CHD7: variants seen among roughly 807,000 people sequenced by gnomAD.
The protein encoded by CHD7 is chromodomain helicase DNA binding protein 7.
CHD7 carries 24 observed loss-of-function variants against 307.3 expected under a neutral mutation model. The observed-to-expected ratio is 0.08, with a 90% CI of 0.06 to 0.11. CHD7 has a LOEUF of 0.11. Ranked by LOEUF, CHD7 falls within the 10% of genes least tolerant of loss-of-function variation. The pLI is 1.00. For missense variants in CHD7, 3,106 were observed against 3,727.1 expected (o/e 0.83, Z 4.34); for synonymous variants, 1,363 against 1,349.9 (o/e 1.01, Z -0.21).
rs567329316 is a variant in CHD7, at chr8:60,703,488, A to C, written c.-175+24406A>C. Among the ~76,000 whole-genome samples the C allele has an allele frequency of 9.2e-5, 14 of 152,232 alleles. No individual in the cohort carries two copies. In the East Asian group the frequency reaches 2.5e-3, roughly 27 times the overall value. On this transcript the variant is annotated intron_variant, in intron 1 of 37. Coordinates refer to ENST00000423902, the MANE Select transcript of CHD7 (RefSeq NM_017780.4). ...GAAGAAAACAAAACAAAAACAGAAG[A>C]CTACTTGTGCTTTCATTTTCCACTC...
chr8:60,745,085 T>G (rs1343013855), intron 2 of CHD7, among the ~76,000 whole-genome samples: 1 of 151,372 alleles, frequency 6.6e-6, no homozygotes, highest in Non-Finnish European at 1.5e-5. Context: ...TTATATAACC[T>G]CAGGGCAGAA....
chr8:60,786,288 T>G (rs76540018), intron 3 of CHD7, among the ~76,000 whole-genome samples: 2 of 152,026 alleles, frequency 1.3e-5, no homozygotes, highest in African/African-American at 4.8e-5. Context: ...GGTGAGAGAG[T>G]CATCAGCTGC....
At chr8:60,799,315 C>T (rs968139778) in intron 4 of CHD7, among the ~76,000 whole-genome samples, 5 of 152,198 alleles carry the variant, frequency 3.3e-5, no homozygotes, top group Admixed American at 6.5e-5. Flanking sequence ...ATAGATAGGA[C>T]CACATTGTCC....
Position 60,742,309 on chromosome 8 carries a change from A to G in CHD7, c.877A>G (p.Ser293Gly), listed in dbSNP as rs1809079318. The stretch of plus-strand genomic sequence containing the variant: ...TGTTAGGCCGCAAACCCTTAACTTT[A>G]GTTCTCGGAGCCAGACAGTCCCCTC... ...GAVRPQTLNF[S>G]SRSQTVPSPT... is the part of the protein sequence containing the mutation. Residue 293 changes from serine (S) to glycine (G), a missense_variant, in exon 2 of 38, where the codon AGT (serine) becomes GGT (glycine). Physicochemically the swap from Ser to Gly is moderately conservative, Grantham distance 56. Transcript: ENST00000423902. The G allele has an allele frequency of 1.2e-6, 2 of 1,613,824 alleles. No individual in the cohort carries two copies. Among genetic ancestry groups the G allele is most frequent in the African/African-American group, 2.7e-5 (2 of 74,916 alleles).
At chr8:60,834,535 T>G (rs1279688837) in intron 15 of CHD7, among the ~76,000 whole-genome samples, 4 of 152,222 alleles carry the variant, frequency 2.6e-5, no homozygotes, top group Non-Finnish European at 4.4e-5. Flanking sequence ...TCAAGAACAT[T>G]CTTGCTAGTG....
chr8:60,815,894 C>G (rs896045090), intron 7 of CHD7, among the ~76,000 whole-genome samples: 1 of 152,184 alleles, frequency 6.6e-6, no homozygotes. Flanking sequence ...GGGCACCCTA[C>G]ACCTCTTATC....
intron 2 of CHD7, among the ~76,000 whole-genome samples, chr8:60,745,935 A>G (rs1809302242): frequency 1.3e-5 from 2 of 152,248 alleles, no homozygotes; most frequent in Admixed American, 6.5e-5. Flanking sequence ...CATGGTATAT[A>G]TGTTAATTCT....
At position 60,781,285 on chromosome 8, in the gene CHD7, A is replaced by C; in HGVS notation, c.1951A>C (p.Lys651Gln). Residue 651 changes from lysine (K) to glutamine (Q), a missense_variant, in exon 3 of 38, where the codon AAA (lysine) becomes CAA (glutamine). Physicochemically the swap from Lys to Gln is moderately conservative, Grantham distance 53 (BLOSUM62 1). This residue lies in a region of CHD7 where 998 missense variants were observed against 1,004.5 expected (regional missense o/e 0.99). Coordinates refer to ENST00000423902, the MANE Select transcript of CHD7 (RefSeq NM_017780.4). ...GAAAAAGAAAAGGTCAAAGGCAAAA[A>C]AAGACCCGAAGGAACCGAAAGAACC... ...KKKKKRSKAK[K>Q]DPKEPKEPKE... The C allele has an allele frequency of 6.4e-7, 1 of 1,563,468 alleles. No homozygotes were observed. The highest frequency in any genetic ancestry group is 8.7e-7 in the Non-Finnish European group (1 of 1,154,286).
chr8:60,701,432 C>G lies in CHD7; in HGVS notation c.-175+22350C>G, dbSNP rs142568177. ...ATTATTTTTGCCTCTGTTTTTCTAG[C>G]TAGTTATACTTGGATGGTTGGTTAG... On this transcript the variant is annotated intron_variant, in intron 1 of 37. Transcript: ENST00000423902. 5.9e-5 allele frequency among the ~76,000 whole-genome samples: 9 copies of G among 152,258 alleles called. No homozygotes were observed. In the East Asian group the frequency reaches 1.7e-3, roughly 29 times the overall value.
chr8:60,829,737 C>T (rs142757372), intron 14 of CHD7, among the ~76,000 whole-genome samples: 96 of 152,230 alleles, frequency 6.3e-4, no homozygotes, highest in African/African-American at 2.2e-3. Context: ...TTTACGTGCC[C>T]CCTCCACTGA....
intron 9 of CHD7, 116 bp downstream of exon 9, chr8:60,820,206 C>G (rs1803963899): frequency 4.0e-6 from 2 of 505,356 alleles, no homozygotes; most frequent in Non-Finnish European, 7.0e-6. Context: ...CTGTGACACA[C>G]TTGGTCTAAA....
At chr8:60,738,878 A>G (rs1756725900) in intron 1 of CHD7, among the ~76,000 whole-genome samples, 2 of 152,158 alleles carry the variant, frequency 1.3e-5, no homozygotes, top group African/African-American at 4.8e-5. Flanking sequence ...GGAGATGGAC[A>G]CTTAGTAGAA....
At chr8:60,767,779 T>C (rs1383715456) in intron 2 of CHD7, among the ~76,000 whole-genome samples, 1 of 152,200 alleles carries the variant, frequency 6.6e-6, no homozygotes, top group African/African-American at 2.4e-5. Context: ...CTCTTCGTGG[T>C]TTGTTTGCTG....
chr8:60,835,185 A>G lies in CHD7; in HGVS notation c.3779-888A>G, dbSNP rs370970981. On this transcript the variant is annotated intron_variant, in intron 15 of 37. Transcript: ENST00000423902. ...CTGCGTAATTCTAGTTAAGCCACCT[A>G]AGCAGTTGAAGGAAGCTTAGCCTGC... Among the ~76,000 whole-genome samples the G allele has an allele frequency of 1.1e-4, 16 of 152,304 alleles. No homozygotes were observed. The East Asian group carries it at 1.7e-3, about 17-fold the overall frequency.
At chr8:60,716,906 T>G (rs1442781301) in intron 1 of CHD7, among the ~76,000 whole-genome samples, 2 of 152,260 alleles carry the variant, frequency 1.3e-5, no homozygotes, top group South Asian at 2.1e-4. Flanking sequence ...GATGAAACTT[T>G]GTAAGCAAGA....
chr8:60,722,345 G>A (rs540498311), intron 1 of CHD7, among the ~76,000 whole-genome samples: 3 of 152,106 alleles, frequency 2.0e-5, no homozygotes, highest in African/African-American at 7.2e-5. Context: ...TCATATCCAG[G>A]GTATTGTAGT....
intron 2 of CHD7, among the ~76,000 whole-genome samples, chr8:60,775,934 T>G (rs1370896158): frequency 9.7e-6 from 1 of 103,116 alleles, no homozygotes; most frequent in Non-Finnish European, 1.8e-5. Flanking sequence ...ATTTTTTGTA[T>G]TTTTTAGTAC....
Position 60,742,002 on chromosome 8 carries a change from C to A in CHD7, c.570C>A (p.Gly190=). 1.2e-6 allele frequency: 2 copies of A among 1,613,792 alleles called. No homozygotes were observed. Among genetic ancestry groups the A allele is most frequent in the Non-Finnish European group, 1.7e-6 (2 of 1,179,870 alleles). Residue 190 remains glycine, a synonymous_variant, in exon 2 of 38, where the codon GGC becomes GGA. Transcript: ENST00000423902. ...QGHPQHMQQM[G]SYMARGDFSM... The stretch of plus-strand genomic sequence containing the variant: ...ACCCTCAGCACATGCAGCAGATGGG[C>A]AGCTATATGGCACGTGGGGATTTTT...
At chr8:60,789,174 T>C (rs1461791151) in intron 3 of CHD7, among the ~76,000 whole-genome samples, 2 of 152,224 alleles carry the variant, frequency 1.3e-5, no homozygotes, top group East Asian at 3.8e-4. Context: ...TGTATTTTAG[T>C]GTGGCAGCTC....
Sources: allele counts gnomAD v4.1 joint callset (sites outside exome capture counted in the v4.1 genomes callset), GRCh38; gene constraint gnomAD v4.1.1; regional missense constraint gnomAD v4.1.1; transcripts MANE v1.5; gene names NCBI Gene and HGNC (gene_info 2026-07-23, HGNC 2026-07-21).